The following RPH3AL variants were observed in gnomAD, a reference collection of about 807,000 sequenced individuals.
RPH3AL encodes rab effector Noc2.
In RPH3AL, 38 loss-of-function variants were observed where a neutral mutation model predicts 43.1. The ratio of observed to expected loss-of-function variants is 0.88; its 90% CI spans 0.68 to 1.15. The LOEUF (loss-of-function observed/expected upper bound fraction) is 1.15. Among genes scored for constraint, RPH3AL ranks in the 50% most tolerant of loss-of-function variants. The probability of loss-of-function intolerance (pLI) is 0.00; values close to 1 mark genes in which losing one functional copy is unlikely to be tolerated. For missense variants in RPH3AL, 462 were observed against 423.2 expected (o/e 1.09, Z -0.81); for synonymous variants, 189 against 176.3 (o/e 1.07, Z -0.57).
In RPH3AL at chr17:226,000, C is replaced by T. The variant is rs552351178; in HGVS notation, c.614-6264G>A. ...GAGCAGGCGAAAACGGCAAGACAACCGTGAACCATGCCGTGCCATGTCGTG... is the reference window on the plus strand; with the variant it reads ...GAGCAGGCGAAAACGGCAAGACAACTGTGAACCATGCCGTGCCATGTCGTG... On this transcript the variant is annotated intron_variant, in intron 7 of 9. Coordinates refer to ENST00000331302, the MANE Select transcript of RPH3AL (RefSeq NM_006987.4). This position sits in a 1 kb window ranked among gnomAD's most constrained non-coding sequence, Gnocchi z 4.4. 8.5e-5 allele frequency among the ~76,000 whole-genome samples: 13 copies of T among 152,334 alleles called. No individual in the cohort carries two copies. The highest frequency in any genetic ancestry group is 8.3e-4 in the South Asian group (4 of 4,826).
intron 7 of RPH3AL, among the ~76,000 whole-genome samples, chr17:226,744 C>T (rs1291171535): frequency 1.3e-5 from 2 of 152,210 alleles, no homozygotes; most frequent in Admixed American, 1.3e-4. Flanking sequence ...ATTTGCCATT[C>T]GATTGCTGTT....
chr17:332,682 G>A lies in RPH3AL; in HGVS notation c.-37+1077C>T, dbSNP rs141518766. 54 of 235,166 alleles carry A rather than the reference G, an allele frequency of 2.3e-4. 1 individual carries two copies. The highest frequency in any genetic ancestry group is 9.2e-4 in the African/African-American group (42 of 45,802). The allele number at this position is 235,166 out of a possible 1,614,324, so 14.6% of individuals were successfully genotyped here. A position where few individuals can be genotyped will look rare whatever the true frequency, so the allele number is the denominator to read the frequency against. On this transcript the variant is annotated intron_variant, in intron 2 of 9. Transcript: ENST00000331302. Reference sequence around the variant, plus strand: ...TCTGCGACTTGCTGACTCACAGGCCGTTTGTCCCTCAAGATTCCCCACGGG... The same window carrying A: ...TCTGCGACTTGCTGACTCACAGGCCATTTGTCCCTCAAGATTCCCCACGGG...
chr17:343,080 G>A (rs1302022861), intron 1 of RPH3AL, among the ~76,000 whole-genome samples: 1 of 152,166 alleles, frequency 6.6e-6, no homozygotes, highest in Non-Finnish European at 1.5e-5. Context: ...CATTCAACCT[G>A]TAGAAACCAG....
In RPH3AL at chr17:332,946, G is replaced by A. The variant is rs531995572; in HGVS notation, c.-37+813C>T. The A allele has an allele frequency of 3.0e-5, 35 of 1,152,226 alleles. No individual in the cohort carries two copies. In the African/African-American group the frequency reaches 4.1e-4, roughly 14 times the overall value. 71.4% of individuals were successfully genotyped at this position (1,152,226 alleles called of 1,614,324 possible). Reference sequence around the variant, plus strand: ...GGAGGACCCGAGGGGTACAGGGAACGGAACAGGAGTTGCCGGTGATAATTT... The same window carrying A: ...GGAGGACCCGAGGGGTACAGGGAACAGAACAGGAGTTGCCGGTGATAATTT... On this transcript the variant is annotated intron_variant, in intron 2 of 9. Transcript: ENST00000331302.
chr17:304,444 A>G (rs2043411715), intron 5 of RPH3AL, among the ~76,000 whole-genome samples: 1 of 152,170 alleles, frequency 6.6e-6, no homozygotes, highest in Non-Finnish European at 1.5e-5. Flanking sequence ...AGAGGAAACT[A>G]GTAAGACCAA....
chr17:266,223 T>TGC (rs1555547945), intron 6 of RPH3AL, among the ~76,000 whole-genome samples: 2 of 152,034 alleles, frequency 1.3e-5, no homozygotes, highest in Non-Finnish European at 2.9e-5. Context: ...TGTGTGTGTG[T>TGC]GTGTGTGCGT....
chr17:310,446 G>C (rs2043615625), intron 5 of RPH3AL, among the ~76,000 whole-genome samples: 1 of 152,152 alleles, frequency 6.6e-6, no homozygotes, highest in Non-Finnish European at 1.5e-5. Flanking sequence ...CCTGGGCCTG[G>C]ATGCTTCCCA....
intron 6 of RPH3AL, among the ~76,000 whole-genome samples, chr17:270,501 G>A (rs1205730083): frequency 6.6e-6 from 1 of 152,146 alleles, no homozygotes; most frequent in African/African-American, 2.4e-5. Flanking sequence ...CTCCCAGCTG[G>A]AAGACCCCAG....
chr17:337,250 A>G (rs1356808244), intron 1 of RPH3AL, among the ~76,000 whole-genome samples: 3 of 151,848 alleles, frequency 2.0e-5, no homozygotes, highest in Admixed American at 2.0e-4. Context: ...AGTCGCTAGA[A>G]CTACACGCCT....
At chr17:294,354 C>G (rs1297603685) in intron 5 of RPH3AL, among the ~76,000 whole-genome samples, 1 of 152,126 alleles carries the variant, frequency 6.6e-6, no homozygotes, top group East Asian at 1.9e-4. Flanking sequence ...GCAGTCACAG[C>G]TACTTGGAAG....
intron 6 of RPH3AL, among the ~76,000 whole-genome samples, chr17:277,041 G>A (rs1349128537): frequency 6.6e-6 from 1 of 152,056 alleles, no homozygotes; most frequent in African/African-American, 2.4e-5. Context: ...TAACTCAAGA[G>A]TCTACAAGAA....
At chr17:312,779 G>C (rs1029450158) in intron 5 of RPH3AL, among the ~76,000 whole-genome samples, 7 of 152,242 alleles carry the variant, frequency 4.6e-5, no homozygotes, top group Non-Finnish European at 1.0e-4. Context: ...GAGAGGTTAA[G>C]TGACTTGTAC....
rs1270370358 is a variant in RPH3AL at position 344,220 on chromosome 17, C to A, written c.-213+8492G>T. On this transcript the variant is annotated intron_variant, in intron 1 of 9. Transcript: ENST00000331302. ...TCATCATCATCACCATCATCACTAT[C>A]ATCACCATCACTGTTACATCATCAT... Among the ~76,000 whole-genome samples the A allele has an allele frequency of 3.0e-5, 4 of 131,974 alleles. 1 individual carries two copies. Among genetic ancestry groups the A allele is most frequent in the Non-Finnish European group, 6.9e-5 (4 of 58,186 alleles). 86.6% of individuals were successfully genotyped at this position (131,974 alleles called of 152,430 possible).
chr17:327,586 T>C lies in RPH3AL; in HGVS notation c.-36-7A>G, dbSNP rs1277094522. 6.3e-7 allele frequency: 1 copy of C among 1,584,978 alleles called. No individual in the cohort carries two copies. The highest frequency in any genetic ancestry group is 8.7e-7 in the Non-Finnish European group (1 of 1,155,234). The stretch of plus-strand genomic sequence containing the variant: ...TGGGGGTGGGGAGTCACATCTGAGA[T>C]GAAGGAGGGAAGACGAAAGAGTGTG... On this transcript the variant is annotated splice_region_variant and splice_polypyrimidine_tract_variant and intron_variant, in intron 2 of 9. Coordinates refer to ENST00000331302, the MANE Select transcript of RPH3AL (RefSeq NM_006987.4).
intron 6 of RPH3AL, among the ~76,000 whole-genome samples, chr17:248,891 C>T (rs1372253504): frequency 6.6e-6 from 1 of 152,200 alleles, no homozygotes; most frequent in African/African-American, 2.4e-5. Context: ...TGCCACCTGC[C>T]TGCCTCCTTC....
At position 322,645 on chromosome 17, in the gene RPH3AL, A is replaced by C. The variant is rs1181512662; in HGVS notation, c.78-1230T>G. 6.6e-6 allele frequency among the ~76,000 whole-genome samples: 1 copy of C among 152,104 alleles called. No individual in the cohort carries two copies. The highest frequency in any genetic ancestry group is 2.4e-5 in the African/African-American group (1 of 41,416). On this transcript the variant is annotated intron_variant, in intron 3 of 9. Transcript: ENST00000331302. This position sits in a 1 kb window ranked among gnomAD's most constrained non-coding sequence, Gnocchi z 4.0. Reference sequence around the variant, plus strand: ...CTCGCTTTCTTTAGGGAAGTGTCAGAAGGCAAGAGTCCTGGAGGCAGGACC... The same window carrying C: ...CTCGCTTTCTTTAGGGAAGTGTCAGCAGGCAAGAGTCCTGGAGGCAGGACC...
intron 6 of RPH3AL, among the ~76,000 whole-genome samples, chr17:273,523 A>G (rs866822746): frequency 1.4e-5 from 1 of 71,574 alleles, no homozygotes; most frequent in African/African-American, 4.7e-5. Context: ...GGGTGACGTC[A>G]GGGAGAGACC....
At chr17:343,301 C>T (rs1393046089) in intron 1 of RPH3AL, among the ~76,000 whole-genome samples, 2 of 152,176 alleles carry the variant, frequency 1.3e-5, no homozygotes, top group African/African-American at 4.8e-5. Context: ...ACATTCAGCT[C>T]TCTGAGTTCA....
rs1182041850 is a variant in RPH3AL, at chr17:213,096, A to C, written c.*756T>G. The stretch of plus-strand genomic sequence containing the variant: ...TGGAGAAACCCCATCTCTTCTAAAA[A>C]TACAAAAATTAACTGGGTGTGGTGG... On this transcript the variant is annotated 3_prime_UTR_variant, in exon 10 of 10. Coordinates refer to ENST00000331302, the MANE Select transcript of RPH3AL (RefSeq NM_006987.4). The C allele has an allele frequency of 6.6e-6, 1 of 152,336 alleles. No homozygotes were observed. Among genetic ancestry groups the C allele is most frequent in the Non-Finnish European group, 1.5e-5 (1 of 68,180 alleles). The allele number at this position is 152,336 out of a possible 1,614,324, so 9.4% of individuals were successfully genotyped here.
Sources: gnomAD v4.1 joint callset for allele counts (sites outside exome capture counted in the v4.1 genomes callset) on GRCh38, gnomAD v4.1.1 for gene constraint, Gnocchi (gnomAD v3.1) non-coding constraint, MANE v1.5 for transcripts, NCBI Gene and HGNC (gene_info 2026-07-23, HGNC 2026-07-21) for gene names.